The following SLC22A24 variants were observed in gnomAD, a reference collection of about 807,000 sequenced individuals.
SLC22A24 encodes solute carrier family 22 member 24, also known as steroid transmembrane transporter SLC22A24.
SLC22A24 carries 53 observed loss-of-function variants against 49.8 expected under a neutral mutation model. That is an observed-to-expected ratio of 1.06 (90% CI 0.85 to 1.34). The LOEUF (loss-of-function observed/expected upper bound fraction) is 1.34. SLC22A24 is among the 40% of genes most tolerant of loss of function. The pLI is 0.00. For synonymous variants in SLC22A24, 302 were observed against 256.4 expected, an observed-to-expected ratio of 1.18 and a Z score of -1.70; for missense variants, 786 against 675.9, an observed-to-expected ratio of 1.16 and a Z score of -1.81.
At chr11:63,114,867 T>C (rs543052842) in intron 4 of SLC22A24, among the ~76,000 whole-genome samples, 1 of 152,342 alleles carries the variant, frequency 6.6e-6, no homozygotes, top group East Asian at 1.9e-4. Context: ...AGACCCTGTT[T>C]GCCTGGGTAT....
intron 5 of SLC22A24, among the ~76,000 whole-genome samples, chr11:63,099,799 C>T (rs1292217676): frequency 6.6e-6 from 1 of 151,980 alleles, no homozygotes; most frequent in African/African-American, 2.4e-5. Context: ...GTGATACATC[C>T]TATGAACAGA....
chr11:63,122,496 G>T (rs2087258968), intron 2 of SLC22A24, among the ~76,000 whole-genome samples: 4 of 152,108 alleles, frequency 2.6e-5, no homozygotes, highest in Admixed American at 2.6e-4. Context: ...AAACAGAGAA[G>T]GTTTATGTGC....
intron 2 of SLC22A24, among the ~76,000 whole-genome samples, chr11:63,129,636 G>A (rs1478927324): frequency 6.6e-6 from 1 of 152,092 alleles, no homozygotes; most frequent in African/African-American, 2.4e-5. Context: ...ACTTGCTTGT[G>A]TCCTCTTTTA....
chr11:63,139,694 T>C (rs987061414), intron 1 of SLC22A24, among the ~76,000 whole-genome samples: 1 of 152,182 alleles, frequency 6.6e-6, no homozygotes, highest in Non-Finnish European at 1.5e-5. Context: ...CCCAAAGTAT[T>C]TCCCTCCTTT....
chr11:63,100,198 G>C (rs2087082153), intron 5 of SLC22A24, among the ~76,000 whole-genome samples: 1 of 152,030 alleles, frequency 6.6e-6, no homozygotes, highest in African/African-American at 2.4e-5. Context: ...AAAAAACTAT[G>C]AGCTGATAAA....
intron 5 of SLC22A24, among the ~76,000 whole-genome samples, chr11:63,103,181 A>G (rs1440035612): frequency 1.3e-5 from 2 of 152,084 alleles, no homozygotes; most frequent in African/African-American, 4.8e-5. Context: ...CTTTACTAAC[A>G]TGTTCTTCTA....
chr11:63,084,579 C>A (rs1489391199), intron 6 of SLC22A24, among the ~76,000 whole-genome samples: 1 of 152,054 alleles, frequency 6.6e-6, no homozygotes, highest in Admixed American at 6.6e-5. Context: ...ACAGTGGAGG[C>A]CTCCAAGGAA....
chr11:63,132,244 G>T (rs1272202435), intron 2 of SLC22A24, among the ~76,000 whole-genome samples: 2 of 152,114 alleles, frequency 1.3e-5, no homozygotes, highest in Non-Finnish European at 2.9e-5. Context: ...TTAGCTTGGA[G>T]AAGTTTGTTA....
At position 63,081,021 on chromosome 11, in the gene SLC22A24, A is replaced by G. The variant is rs966417474; in HGVS notation, c.1497T>C (p.Ile499=). The change falls in exon 9 of 10, where the codon ATT becomes ATC. Residue 499 remains isoleucine (I), a synonymous_variant. Transcript: ENST00000612278. The stretch of plus-strand genomic sequence containing the variant: ...CAAGGATGGGGAAGACTCCATAGGA[A>G]ATCCAGGGTAGGTGGGGAGAATACG... ...LMAYSPHLPW[I]SYGVFPILAV... 1 of 1,551,634 alleles carries G rather than the reference A, an allele frequency of 6.4e-7. No homozygotes were observed. Among genetic ancestry groups the G allele is most frequent in the African/African-American group, 1.4e-5 (1 of 73,038 alleles).
chr11:63,115,395 T>C (rs2134663483), intron 4 of SLC22A24, among the ~76,000 whole-genome samples: 1 of 152,346 alleles, frequency 6.6e-6, no homozygotes, highest in South Asian at 2.1e-4. Flanking sequence ...TATCTCCTGG[T>C]CTGCTGGTTG....
intron 6 of SLC22A24, among the ~76,000 whole-genome samples, chr11:63,084,445 G>A (rs1166251305): frequency 2.6e-5 from 4 of 152,130 alleles, no homozygotes; most frequent in Non-Finnish European, 4.4e-5. Flanking sequence ...GGTGGGGAAG[G>A]CGACCAGCAA....
intron 6 of SLC22A24, among the ~76,000 whole-genome samples, chr11:63,083,828 T>C (rs1430116462): frequency 6.6e-6 from 1 of 152,186 alleles, no homozygotes; most frequent in Non-Finnish European, 1.5e-5. Context: ...ATATAAATGA[T>C]TGGACATGGG....
At chr11:63,083,144 G>C (rs2086968953) in intron 7 of SLC22A24, 99 bp downstream of exon 7, 1 of 943,930 alleles carries the variant, frequency 1.1e-6, no homozygotes, top group Non-Finnish European at 1.6e-6. Flanking sequence ...TGGCTGTCAA[G>C]GGCAATGCTG....
intron 4 of SLC22A24, among the ~76,000 whole-genome samples, chr11:63,108,790 A>AT (rs199869469): frequency 1.4e-4 from 19 of 133,252 alleles, no homozygotes; most frequent in African/African-American, 3.0e-4. Flanking sequence ...CCCCTTTATC[A>AT]TTTTTTTTTG....
intron 5 of SLC22A24, among the ~76,000 whole-genome samples, chr11:63,100,099 T>C (rs939979636): frequency 6.6e-6 from 1 of 152,134 alleles, no homozygotes; most frequent in African/African-American, 2.4e-5. Context: ...GAGACAGATA[T>C]AAATGGCATC....
chr11:63,085,997 A>G (rs1044124366), intron 6 of SLC22A24, among the ~76,000 whole-genome samples: 1 of 152,192 alleles, frequency 6.6e-6, no homozygotes, highest in Non-Finnish European at 1.5e-5. Flanking sequence ...CCAATCTCAC[A>G]CCAGTCAGAA....
At chr11:63,098,182 A>G (rs2087067472) in intron 5 of SLC22A24, among the ~76,000 whole-genome samples, 1 of 152,184 alleles carries the variant, frequency 6.6e-6, no homozygotes, top group African/African-American at 2.4e-5. Context: ...TTTAGAAACT[A>G]TACAGACACA....
intron 6 of SLC22A24, among the ~76,000 whole-genome samples, chr11:63,087,032 A>ACACG: frequency 9.2e-6 from 1 of 109,032 alleles, no homozygotes; most frequent in Non-Finnish European, 1.9e-5. Context: ...GCGCACACAC[A>ACACG]CACACACACA....
chr11:63,133,598 C>T (rs1158399880), intron 2 of SLC22A24, among the ~76,000 whole-genome samples: 1 of 152,010 alleles, frequency 6.6e-6, no homozygotes, highest in Non-Finnish European at 1.5e-5. Context: ...AAGGAATCCC[C>T]AAACATCTCA....
Sources: gnomAD v4.1 joint callset for allele counts (sites outside exome capture counted in the v4.1 genomes callset) on GRCh38, gnomAD v4.1.1 for gene constraint, MANE v1.5 for transcripts, NCBI Gene and HGNC (gene_info 2026-07-23, HGNC 2026-07-21) for gene names.